The following CDH12 variants were observed in gnomAD, a reference collection of about 807,000 sequenced individuals.
CDH12 encodes the protein cadherin 12.
CDH12 carries 41 observed loss-of-function variants against 74.1 expected under a neutral mutation model. The observed-to-expected ratio is 0.55, with a 90% CI of 0.43 to 0.72. CDH12 has a LOEUF of 0.72. Ranked by LOEUF, CDH12 falls within the 30% of genes least tolerant of loss-of-function variation. The probability of loss-of-function intolerance (pLI) is 0.00; values close to 1 mark genes in which losing one functional copy is unlikely to be tolerated. For synonymous variants in CDH12, 399 were observed against 355.0 expected, an observed-to-expected ratio of 1.12 and a Z score of -1.39; for missense variants, 945 against 977.2, an observed-to-expected ratio of 0.97 and a Z score of 0.44.
At chr5:22,671,203 A>C (rs1057211630) in intron 1 of CDH12, among the ~76,000 whole-genome samples, 1 of 152,150 alleles carries the variant, frequency 6.6e-6, no homozygotes, top group Non-Finnish European at 1.5e-5. Flanking sequence ...CACCATAATC[A>C]ATGTAATAAA....
chr5:21,929,587 G>A (rs891438312), intron 6 of CDH12, among the ~76,000 whole-genome samples: 7 of 151,984 alleles, frequency 4.6e-5, no homozygotes, highest in East Asian at 1.9e-4. Context: ...TATGATCTCC[G>A]CTCACTGCAG....
intron 6 of CDH12, among the ~76,000 whole-genome samples, chr5:21,909,962 G>A (rs1753794821): frequency 6.6e-6 from 1 of 152,108 alleles, no homozygotes; most frequent in African/African-American, 2.4e-5. Flanking sequence ...CAAATGCTAT[G>A]GAGGTCATAT....
intron 6 of CDH12, among the ~76,000 whole-genome samples, chr5:21,968,674 G>T (rs538695837): frequency 9.2e-5 from 14 of 152,136 alleles, no homozygotes; most frequent in Non-Finnish European, 1.6e-4. Flanking sequence ...AATGTCTAGA[G>T]ATATTATTCC....
chr5:21,896,256 G>A (rs553363316), intron 6 of CDH12, among the ~76,000 whole-genome samples: 329 of 152,248 alleles, frequency 2.2e-3, no homozygotes, highest in Non-Finnish European at 3.5e-3. Context: ...ATATGAGCTT[G>A]AAAAATTATA....
At chr5:21,996,741 A>G (rs1489823472) in intron 5 of CDH12, among the ~76,000 whole-genome samples, 1 of 152,212 alleles carries the variant, frequency 6.6e-6, no homozygotes, top group Non-Finnish European at 1.5e-5. Flanking sequence ...TGATGGTTTC[A>G]GATAAAATAC....
At chr5:22,707,524 A>G (rs1224317867) in intron 1 of CDH12, among the ~76,000 whole-genome samples, 1 of 152,186 alleles carries the variant, frequency 6.6e-6, no homozygotes, top group East Asian at 1.9e-4. Flanking sequence ...AACTATCATC[A>G]GTGTCATTTA....
chr5:22,572,834 AAG>A (rs1436474753), intron 1 of CDH12, among the ~76,000 whole-genome samples: 1 of 152,180 alleles, frequency 6.6e-6, no homozygotes, highest in African/African-American at 2.4e-5. Context: ...ACAAATCCAG[AAG>A]TAGATCTAAA....
chr5:22,015,596 G>A (rs1737554821), intron 5 of CDH12, among the ~76,000 whole-genome samples: 1 of 152,052 alleles, frequency 6.6e-6, no homozygotes, highest in Non-Finnish European at 1.5e-5. Flanking sequence ...TGTTCATCAT[G>A]TCCTTTGTTA....
chr5:21,884,998 G>T (rs1177147225), intron 6 of CDH12, among the ~76,000 whole-genome samples: 1 of 152,042 alleles, frequency 6.6e-6, no homozygotes, highest in Non-Finnish European at 1.5e-5. Context: ...CGATTCTCCT[G>T]CCTCAGCCTC....
At chr5:21,875,896 A>ATTTT (rs34435511) in intron 6 of CDH12, among the ~76,000 whole-genome samples, 12 of 136,788 alleles carry the variant, frequency 8.8e-5, no homozygotes, top group East Asian at 8.6e-4. Context: ...CTTTGCGGGC[A>ATTTT]TTTTTTTTTT....
chr5:22,090,281 T>C (rs1311932290), intron 4 of CDH12, among the ~76,000 whole-genome samples: 2 of 151,708 alleles, frequency 1.3e-5, no homozygotes, highest in Non-Finnish European at 2.9e-5. Flanking sequence ...TTAAACAACA[T>C]TGATGAAATG....
intron 2 of CDH12, among the ~76,000 whole-genome samples, chr5:22,496,702 A>C (rs1747115406): frequency 6.6e-6 from 1 of 152,134 alleles, no homozygotes; most frequent in Non-Finnish European, 1.5e-5. Context: ...ATCTGTGCTC[A>C]GTCTTGATCT....
intron 6 of CDH12, among the ~76,000 whole-genome samples, chr5:21,870,983 C>T (rs1751587224): frequency 2.0e-5 from 3 of 152,168 alleles, no homozygotes; most frequent in Non-Finnish European, 2.9e-5. Flanking sequence ...CTACCCACCT[C>T]GACATTCCAA....
chr5:22,114,620 T>C (rs1476937647), intron 4 of CDH12, among the ~76,000 whole-genome samples: 1 of 152,228 alleles, frequency 6.6e-6, no homozygotes, highest in Non-Finnish European at 1.5e-5. Context: ...TTTGTTGTTT[T>C]TAAAAATAAA....
At chr5:21,907,804 C>T (rs1293824321) in intron 6 of CDH12, among the ~76,000 whole-genome samples, 1 of 152,170 alleles carries the variant, frequency 6.6e-6, no homozygotes, top group Non-Finnish European at 1.5e-5. Flanking sequence ...AGATTATCTG[C>T]CCAGACTTGG....
chr5:22,334,755 C>A (rs1012325654), intron 3 of CDH12, among the ~76,000 whole-genome samples: 1 of 152,156 alleles, frequency 6.6e-6, no homozygotes, highest in Non-Finnish European at 1.5e-5. Context: ...GGGGAAAACA[C>A]AGTCTCTTCA....
At chr5:21,863,433 T>C (rs1751159482) in intron 6 of CDH12, among the ~76,000 whole-genome samples, 2 of 152,198 alleles carry the variant, frequency 1.3e-5, no homozygotes, top group South Asian at 4.1e-4. Context: ...TGTTTTTTCT[T>C]ACTATAGTAA....
At chr5:22,010,997 G>A (rs1163447509) in intron 5 of CDH12, among the ~76,000 whole-genome samples, 16 of 151,896 alleles carry the variant, frequency 1.1e-4, no homozygotes, top group Admixed American at 7.2e-4. Flanking sequence ...TCATGCTTGC[G>A]TCATTACTAG....
intron 3 of CDH12, among the ~76,000 whole-genome samples, chr5:22,288,863 G>A (rs113470782): frequency 0.029 from 4,440 of 152,132 alleles, 97 homozygotes; most frequent in South Asian, 0.094. Context: ...AATTCATAGC[G>A]TGCAGAGTGG....
Sources: gnomAD v4.1 joint callset for allele counts (sites outside exome capture counted in the v4.1 genomes callset) on GRCh38, gnomAD v4.1.1 for gene constraint, MANE v1.5 for transcripts, NCBI Gene and HGNC (gene_info 2026-07-23, HGNC 2026-07-21) for gene names.